The following VPS13B variants were observed in gnomAD, a reference collection of about 807,000 sequenced individuals.
VPS13B encodes the protein vacuolar protein sorting 13 homolog B, also known as intermembrane lipid transfer protein VPS13B.
In VPS13B, 285 loss-of-function variants were observed where a neutral mutation model predicts 426.4. The ratio of observed to expected loss-of-function variants is 0.67; its 90% CI spans 0.61 to 0.74. The LOEUF (loss-of-function observed/expected upper bound fraction) is 0.74. Ranked by LOEUF, VPS13B falls within the 30% of genes least tolerant of loss-of-function variation. The pLI, the probability that VPS13B is intolerant of heterozygous loss-of-function variation, is 0.00. For synonymous variants in VPS13B, 1,676 were observed against 1,676.4 expected, an observed-to-expected ratio of 1.00 and a Z score of 0.01; for missense variants, 4,537 against 4,782.6, an observed-to-expected ratio of 0.95 and a Z score of 1.51.
At chr8:99,350,251 A>G (rs975129274) in intron 19 of VPS13B, among the ~76,000 whole-genome samples, 1 of 152,228 alleles carries the variant, frequency 6.6e-6, no homozygotes, top group Non-Finnish European at 1.5e-5. Context: ...GTAGAGAAAC[A>G]TAGTGGCCAC....
intron 28 of VPS13B, among the ~76,000 whole-genome samples, chr8:99,508,175 A>G (rs991803590): frequency 1.3e-5 from 2 of 152,336 alleles, no homozygotes; most frequent in East Asian, 1.9e-4. Flanking sequence ...TAAATTGTGC[A>G]TGTATTGAAT....
rs570782312 is a variant in VPS13B at position 99,091,032 on chromosome 8, C to A, written c.292-5280C>A. On this transcript the variant is annotated intron_variant, in intron 3 of 61. Coordinates refer to ENST00000357162, the MANE Select transcript of VPS13B (RefSeq NM_152564.5). Reference sequence around the variant, plus strand: ...GAATGTCATAGGTAGCAATAAAGAACAAATTTTTCATAACATGTTTTGCAA... The same window carrying A: ...GAATGTCATAGGTAGCAATAAAGAAAAAATTTTTCATAACATGTTTTGCAA... Among the ~76,000 whole-genome samples, 17 of 152,246 alleles carry A rather than the reference C, an allele frequency of 1.1e-4. 2 individuals are homozygous for A. The South Asian group carries it at 3.5e-3, about 32-fold the overall frequency.
At position 99,214,122 on chromosome 8, in the gene VPS13B, T is replaced by G. The variant is rs185067433; in HGVS notation, c.2515+21065T>G. ...TAGACCTGACCACTTGTCTCAACTT[T>G]TGCCTTCTATCCAATTCTTGAGATC... On this transcript the variant is annotated intron_variant, in intron 17 of 61. Coordinates refer to ENST00000357162, the MANE Select transcript of VPS13B (RefSeq NM_152564.5). Among the ~76,000 whole-genome samples, 579 of 152,356 alleles carry G rather than the reference T, an allele frequency of 3.8e-3. 2 individuals are homozygous for G. Among genetic ancestry groups the G allele is most frequent in the Middle Eastern group, 0.024 (7 of 294 alleles).
intron 3 of VPS13B, among the ~76,000 whole-genome samples, chr8:99,069,982 C>G (rs1844770899): frequency 6.6e-6 from 1 of 152,216 alleles, no homozygotes; most frequent in African/African-American, 2.4e-5. Flanking sequence ...CAGATCTCTG[C>G]AGCCTCAAAC....
At chr8:99,302,961 A>G (rs1820442819) in intron 19 of VPS13B, among the ~76,000 whole-genome samples, 1 of 152,078 alleles carries the variant, frequency 6.6e-6, no homozygotes, top group African/African-American at 2.4e-5. Flanking sequence ...AATATGATGA[A>G]AATGTCTGTC....
At chr8:99,735,567 A>G (rs1833789747) in intron 39 of VPS13B, among the ~76,000 whole-genome samples, 1 of 152,156 alleles carries the variant, frequency 6.6e-6, no homozygotes, top group South Asian at 2.1e-4. Context: ...GGTCTTCTCT[A>G]TTGCCTTCAG....
intron 17 of VPS13B, among the ~76,000 whole-genome samples, chr8:99,206,760 T>G (rs1814747450): frequency 6.6e-6 from 1 of 152,188 alleles, no homozygotes; most frequent in African/African-American, 2.4e-5. Flanking sequence ...TTTGGAGTTG[T>G]TGAATAGTTC....
chr8:99,359,842 G>C (rs923101497), intron 19 of VPS13B, among the ~76,000 whole-genome samples: 1 of 152,086 alleles, frequency 6.6e-6, no homozygotes, highest in African/African-American at 2.4e-5. Flanking sequence ...TCTCTCTGTT[G>C]CCCAGGCTGG....
chr8:99,551,751 T>G (rs540418404), intron 30 of VPS13B, among the ~76,000 whole-genome samples: 2 of 152,058 alleles, frequency 1.3e-5, no homozygotes, highest in East Asian at 3.9e-4. Flanking sequence ...TATATTATTA[T>G]CCAGTGTCTT....
chr8:99,487,189 G>A (rs1448206981), intron 25 of VPS13B, among the ~76,000 whole-genome samples: 1 of 151,684 alleles, frequency 6.6e-6, no homozygotes, highest in Non-Finnish European at 1.5e-5. Context: ...AGAGGGTAGT[G>A]AAGGGTAGAG....
chr8:99,169,941 T>A, intron 15 of VPS13B, 98 bp from the exon 16 acceptor site: 1 of 1,372,770 alleles, frequency 7.3e-7, no homozygotes. Flanking sequence ...ATATTTAGTG[T>A]GCAGCTGTTG....
At chr8:99,453,109 G>A (rs1235833973) in intron 23 of VPS13B, among the ~76,000 whole-genome samples, 1 of 152,188 alleles carries the variant, frequency 6.6e-6, no homozygotes, top group Non-Finnish European at 1.5e-5. Context: ...AGTTTTAATA[G>A]AAACTGATGT....
intron 17 of VPS13B, among the ~76,000 whole-genome samples, chr8:99,225,343 G>A (rs570021712): frequency 4.6e-5 from 7 of 151,744 alleles, no homozygotes; most frequent in African/African-American, 1.2e-4. Context: ...GCAGTGGCGC[G>A]ATCTCAGCTC....
At chr8:99,571,491 C>G (rs1254103990) in intron 31 of VPS13B, among the ~76,000 whole-genome samples, 4 of 152,054 alleles carry the variant, frequency 2.6e-5, no homozygotes, top group Non-Finnish European at 5.9e-5. Flanking sequence ...TTTGTTACTA[C>G]TTCTAAGGTC....
chr8:99,265,875 A>G (rs1386474658), intron 17 of VPS13B, among the ~76,000 whole-genome samples: 4 of 152,318 alleles, frequency 2.6e-5, no homozygotes, highest in Non-Finnish European at 5.9e-5. Flanking sequence ...CCATCTTTCA[A>G]AATTTAGATG....
chr8:99,156,710 G>A lies in VPS13B; in HGVS notation c.2175G>A (p.Leu725=), dbSNP rs1211430808. The change falls in exon 15 of 62, where the codon CTG becomes CTA. Residue 725 remains leucine, a synonymous_variant. Transcript: ENST00000357162. ...VSSLTQPSDN[L]LHYCYVHCYL... ...GCCTTACTCAACCTTCTGATAACCTGCTTCATTATTGTTATGTACACTGCT... is the reference window on the plus strand; with the variant it reads ...GCCTTACTCAACCTTCTGATAACCTACTTCATTATTGTTATGTACACTGCT... The A allele has an allele frequency of 1.5e-5, 24 of 1,613,846 alleles. No individual in the cohort carries two copies. The highest frequency in any genetic ancestry group is 2.7e-5 in the African/African-American group (2 of 74,906).
At position 99,674,089 on chromosome 8, in the gene VPS13B, G is replaced by GTT. The variant is rs950891345; in HGVS notation, c.6046+12600_6046+12601dup. Among the ~76,000 whole-genome samples the GTT allele has an allele frequency of 8.9e-4, 135 of 152,132 alleles. 2 individuals are homozygous for GTT. The highest frequency in any genetic ancestry group is 3.2e-3 in the African/African-American group (133 of 41,562). ...CTTTTGGATGGAACATTCTGTATATGTTTGTCAGGTTCAAATGTTCTAGAT... is the reference window on the plus strand; with the variant it reads ...CTTTTGGATGGAACATTCTGTATATGTTTTTGTCAGGTTCAAATGTTCTAGAT... On this transcript the variant is annotated intron_variant, in intron 35 of 61. Coordinates refer to ENST00000357162, the MANE Select transcript of VPS13B (RefSeq NM_152564.5).
At chr8:99,862,666 A>G (rs1816898284) in intron 58 of VPS13B, among the ~76,000 whole-genome samples, 1 of 152,174 alleles carries the variant, frequency 6.6e-6, no homozygotes, top group Admixed American at 6.5e-5. Flanking sequence ...CATCTGAGGA[A>G]GTGTGTGCCT....
In VPS13B at chr8:99,527,000, AT is replaced by A. The variant is rs536504537; in HGVS notation, c.4745+5998del. Among the ~76,000 whole-genome samples, 9 of 152,070 alleles carry A rather than the reference AT, an allele frequency of 5.9e-5. No homozygotes were observed. The East Asian group carries it at 1.7e-3, about 29-fold the overall frequency. On this transcript the variant is annotated intron_variant, in intron 30 of 61. Transcript: ENST00000357162. Reference sequence around the variant, plus strand: ...CCCTTTGTAGGAGATGATTAAATCCATTTTTTTTACAAACCTTTTAAACGGA... The same window carrying A: ...CCCTTTGTAGGAGATGATTAAATCCATTTTTTTACAAACCTTTTAAACGGA...
Sources: gnomAD v4.1 joint callset for allele counts (sites outside exome capture counted in the v4.1 genomes callset) on GRCh38, gnomAD v4.1.1 for gene constraint, MANE v1.5 for transcripts, NCBI Gene and HGNC (gene_info 2026-07-23, HGNC 2026-07-21) for gene names.